The following CHN2 variants were observed in gnomAD, a reference collection of about 807,000 sequenced individuals.
The protein encoded by CHN2 is chimerin 2, also known as beta-chimaerin.
In CHN2, 35 loss-of-function variants were observed where a neutral mutation model predicts 56.3. The ratio of observed to expected loss-of-function variants is 0.62; its 90% CI spans 0.47 to 0.82. The LOEUF is 0.82. CHN2 is among the 40% of genes least tolerant of loss of function. CHN2 has a pLI of 0.00. For synonymous variants in CHN2, 210 were observed against 212.8 expected, an observed-to-expected ratio of 0.99 and a Z score of 0.12; for missense variants, 491 against 580.5, an observed-to-expected ratio of 0.85 and a Z score of 1.58.
At chr7:29,504,544 A>G (rs1307260460) in intron 9 of CHN2, among the ~76,000 whole-genome samples, 200 bp from the exon 10 acceptor site, 4 of 152,246 alleles carry the variant, frequency 2.6e-5, no homozygotes, top group African/African-American at 7.2e-5. Context: ...CCACTGCTAC[A>G]TGGGCAAATG....
At chr7:29,452,242 C>T (rs1181600492) in intron 6 of CHN2, among the ~76,000 whole-genome samples, 2 of 152,186 alleles carry the variant, frequency 1.3e-5, no homozygotes, top group Non-Finnish European at 2.9e-5. Flanking sequence ...GAGACACAGC[C>T]TTCATTATTG....
In CHN2 at chr7:29,285,896, T is replaced by TA. The variant is rs1792103182; in HGVS notation, c.50-68728dup. Among the ~76,000 whole-genome samples the TA allele has an allele frequency of 4.6e-5, 7 of 152,352 alleles. No individual in the cohort carries two copies. The South Asian group carries it at 1.4e-3, about 32-fold the overall frequency. On this transcript the variant is annotated intron_variant, in intron 1 of 12. Coordinates refer to ENST00000222792, the MANE Select transcript of CHN2 (RefSeq NM_004067.4). ...CTGAGGTCAGAGCCCTCTAGCACCA[T>TA]ATTGATGACTATTCCCAGTGTTTGG...
rs370309260 is a variant in CHN2, at chr7:29,513,884, G to A, written c.*1149G>A. 21 of 152,666 alleles carry A rather than the reference G, an allele frequency of 1.4e-4. 1 individual carries two copies. Among genetic ancestry groups the A allele is most frequent in the African/African-American group, 5.1e-4 (21 of 41,546 alleles). 9.5% of individuals were successfully genotyped at this position (152,666 alleles called of 1,614,324 possible). ...CTTGGTTATATTTATCTTAGCATGA[G>A]CCTTTCACACCAAGATTTCTATATT... On this transcript the variant is annotated 3_prime_UTR_variant, in exon 13 of 13. Coordinates refer to ENST00000222792, the MANE Select transcript of CHN2 (RefSeq NM_004067.4).
chr7:29,357,500 C>A (rs1448282949), intron 2 of CHN2, among the ~76,000 whole-genome samples: 2 of 152,232 alleles, frequency 1.3e-5, no homozygotes, highest in African/African-American at 4.8e-5. Flanking sequence ...TTTGTTTAAT[C>A]TTTCAGCAAA....
chr7:29,215,261 G>A (rs180689141), intron 1 of CHN2, among the ~76,000 whole-genome samples: 5 of 152,238 alleles, frequency 3.3e-5, no homozygotes, highest in African/African-American at 1.2e-4. Flanking sequence ...TTCTGCACGG[G>A]GAGTCTTACA....
intron 1 of CHN2, among the ~76,000 whole-genome samples, chr7:29,207,836 C>A (rs1484160152): frequency 5.9e-5 from 9 of 152,124 alleles, no homozygotes; most frequent in Admixed American, 5.2e-4. Context: ...ACTACAAAGA[C>A]TTTGTTAGAA....
chr7:29,221,773 C>T (rs1376740922), intron 1 of CHN2, among the ~76,000 whole-genome samples: 1 of 152,096 alleles, frequency 6.6e-6, no homozygotes, highest in East Asian at 1.9e-4. Context: ...CATTCATGTC[C>T]CTGCAGAGGA....
intron 2 of CHN2, among the ~76,000 whole-genome samples, chr7:29,187,364 T>TGTGA (rs1554356185): frequency 6.6e-6 from 1 of 151,826 alleles, no homozygotes; most frequent in Non-Finnish European, 1.5e-5. Context: ...TGTGTGTGTG[T>TGTGA]GACAAAGAGA....
intron 1 of CHN2, among the ~76,000 whole-genome samples, chr7:29,346,927 T>C (rs10232221): frequency 0.24 from 36,497 of 152,122 alleles, 4,865 homozygotes; most frequent in Non-Finnish European, 0.3. Context: ...GAGCTAAAAA[T>C]GCCTGGAAGA....
intron 6 of CHN2, among the ~76,000 whole-genome samples, chr7:29,455,588 C>A (rs1784691127): frequency 6.6e-6 from 1 of 152,164 alleles, no homozygotes; most frequent in Admixed American, 6.5e-5. Context: ...TTGTTCCTAG[C>A]CCATTTTCAG....
At chr7:29,440,084 T>C (rs1258222613) in intron 6 of CHN2, among the ~76,000 whole-genome samples, 1 of 152,206 alleles carries the variant, frequency 6.6e-6, no homozygotes, top group Admixed American at 6.5e-5. Flanking sequence ...TAGTACAGTA[T>C]GTTTAGAAAC....
upstream of CHN2, chr7:29,192,961 A>T (rs1783086665): frequency 6.6e-6 from 1 of 152,198 alleles, no homozygotes; most frequent in African/African-American, 2.4e-5. Context: ...GTTCCTTCTG[A>T]TCTGATCAAC....
rs139756023 is a variant in CHN2, at chr7:29,438,578, A to G, written c.576+37750A>G. Among the ~76,000 whole-genome samples the G allele has an allele frequency of 3.8e-3, 580 of 152,282 alleles. 3 individuals are homozygous for G. Among genetic ancestry groups the G allele is most frequent in the African/African-American group, 0.013 (559 of 41,550 alleles). ...TGTAGCTAAATCTTTGCAAATGTTC[A>G]ACTATTTCCTTAGATTAAATTTCAG... On this transcript the variant is annotated intron_variant, in intron 6 of 12. Transcript: ENST00000222792.
chr7:29,325,921 G>C (rs1420930805), intron 1 of CHN2, among the ~76,000 whole-genome samples: 1 of 152,182 alleles, frequency 6.6e-6, no homozygotes, highest in African/African-American at 2.4e-5. Context: ...TTCATGATCT[G>C]CTTCTAAATA....
chr7:29,477,679 A>G (rs977089556), intron 6 of CHN2, among the ~76,000 whole-genome samples: 1 of 152,236 alleles, frequency 6.6e-6, no homozygotes. Flanking sequence ...CTGCCATAAC[A>G]GTTGTCCTTC....
chr7:29,369,015 G>T (rs184677742), intron 3 of CHN2, among the ~76,000 whole-genome samples: 2 of 151,828 alleles, frequency 1.3e-5, no homozygotes, highest in African/African-American at 4.8e-5. Flanking sequence ...CTAACTCTGC[G>T]GTCAATATAT....
chr7:29,384,679 A>C (rs541173056), intron 3 of CHN2, among the ~76,000 whole-genome samples: 1 of 152,174 alleles, frequency 6.6e-6, no homozygotes, highest in African/African-American at 2.4e-5. Context: ...AATATAAATA[A>C]TTTTGTCAAT....
chr7:29,324,705 A>T (rs1795667533), intron 1 of CHN2, among the ~76,000 whole-genome samples: 2 of 151,950 alleles, frequency 1.3e-5, no homozygotes, highest in African/African-American at 4.8e-5. Flanking sequence ...TTTTAAATCC[A>T]CATTTTGCTG....
chr7:29,164,284 A>G (rs1407926476), intron 2 of CHN2, among the ~76,000 whole-genome samples: 1 of 152,100 alleles, frequency 6.6e-6, no homozygotes, highest in African/African-American at 2.4e-5. Flanking sequence ...TCCTGTTTGT[A>G]CAGTTTCTTT....
Sources: gnomAD v4.1 joint callset for allele counts (sites outside exome capture counted in the v4.1 genomes callset) on GRCh38, gnomAD v4.1.1 for gene constraint, MANE v1.5 for transcripts, NCBI Gene and HGNC (gene_info 2026-07-23, HGNC 2026-07-21) for gene names.